The following FSD1L variants were observed in gnomAD, a reference collection of about 807,000 sequenced individuals.
FSD1L encodes the protein FSD1-like protein.
A neutral mutation model predicts 71.6 loss-of-function variants in FSD1L; 45 were observed. The observed-to-expected ratio is 0.63, with a 90% CI of 0.49 to 0.81. The LOEUF is 0.81. FSD1L is among the 30% of genes least tolerant of loss of function. The pLI is 0.00. For synonymous variants in FSD1L, 197 were observed against 207.2 expected (o/e 0.95, Z 0.42); for missense variants, 561 against 618.1 (o/e 0.91, Z 0.98).
chr9:105,530,331 CATAAAACTTATT>C (rs1835811674), intron 10 of FSD1L, among the ~76,000 whole-genome samples: 1 of 152,080 alleles, frequency 6.6e-6, no homozygotes, highest in East Asian at 1.9e-4. Context: ...TCATGCTTGA[CATAAAACTTATT>C]ATAAGTTGTT....
At chr9:105,490,429 C>T (rs185821101) in intron 7 of FSD1L, among the ~76,000 whole-genome samples, 4 of 152,168 alleles carry the variant, frequency 2.6e-5, no homozygotes, top group Non-Finnish European at 4.4e-5. Context: ...GAGTAGGTTG[C>T]GAATATTTTC....
At chr9:105,523,838 C>T in intron 10 of FSD1L, 2 of 1,597,120 alleles carry the variant, frequency 1.3e-6, no homozygotes, top group Non-Finnish European at 1.7e-6. Flanking sequence ...TCAAACACTG[C>T]TCACCTCAAT....
chr9:105,485,629 CAT>C (rs1395023306), intron 7 of FSD1L, among the ~76,000 whole-genome samples: 1 of 133,768 alleles, frequency 7.5e-6, no homozygotes, highest in Admixed American at 8.4e-5. Flanking sequence ...TTGAAAGTGA[CAT>C]GTTTTCCTTA....
chr9:105,446,801 G>T (rs1358665138), upstream of FSD1L, among the ~76,000 whole-genome samples: 1 of 149,016 alleles, frequency 6.7e-6, no homozygotes, highest in African/African-American at 2.5e-5. Context: ...TTTGTTTGTA[G>T]AACTGGTACA....
At chr9:105,457,022 A>G (rs1041916432) in intron 1 of FSD1L, among the ~76,000 whole-genome samples, 1 of 152,248 alleles carries the variant, frequency 6.6e-6, no homozygotes, top group Non-Finnish European at 1.5e-5. Flanking sequence ...GGTTGATAGA[A>G]TCCCATGGGG....
Position 105,548,585 on chromosome 9 carries a change from T to G in FSD1L, c.*2102T>G, listed in dbSNP as rs951617310. 1 of 152,450 alleles carries G rather than the reference T, an allele frequency of 6.6e-6. No individual in the cohort carries two copies. The highest frequency in any genetic ancestry group is 1.9e-4 in the East Asian group (1 of 5,194). The allele number at this position is 152,450 out of a possible 1,614,324, so 9.4% of individuals were successfully genotyped here. A position where few individuals can be genotyped will look rare whatever the true frequency, so the allele number is the denominator to read the frequency against. Reference sequence around the variant, plus strand: ...GCAGGGGCATGGGGAAATGCATATATTAATCAGGGGCTGGAGGAGTATACA... The same window carrying G: ...GCAGGGGCATGGGGAAATGCATATAGTAATCAGGGGCTGGAGGAGTATACA... On this transcript the variant is annotated 3_prime_UTR_variant, in exon 14 of 14. Transcript: ENST00000481272.
intron 10 of FSD1L, chr9:105,526,482 G>A (rs1314163264): frequency 8.7e-6 from 14 of 1,612,248 alleles, no homozygotes; most frequent in Admixed American, 3.3e-5. Context: ...AGCAAAAGCC[G>A]CATGTCCATG....
chr9:105,460,509 T>C (rs1830621190), intron 1 of FSD1L, among the ~76,000 whole-genome samples: 1 of 151,286 alleles, frequency 6.6e-6, no homozygotes. Context: ...GGAGAATTGC[T>C]TGAACCCAGG....
intron 10 of FSD1L, chr9:105,521,895 A>C: frequency 6.2e-7 from 1 of 1,612,410 alleles, no homozygotes; most frequent in African/African-American, 1.3e-5. Context: ...AAATGAAATA[A>C]AAAATCTTCT....
At position 105,524,721 on chromosome 9, in the gene FSD1L, G is replaced by A. The variant is rs956719452; in HGVS notation, c.1026-9772G>A. 1.9e-6 allele frequency: 3 copies of A among 1,613,814 alleles called. No individual in the cohort carries two copies. The South Asian group carries it at 3.3e-5, about 18-fold the overall frequency. ...AGAACGATCTTCTAAACTCCAGCCAGTAACAGAAGTGAAAACTCAAATGCA... is the reference window on the plus strand; with the variant it reads ...AGAACGATCTTCTAAACTCCAGCCAATAACAGAAGTGAAAACTCAAATGCA... On this transcript the variant is annotated intron_variant, in intron 10 of 13. Transcript: ENST00000481272.
At chr9:105,517,884 A>G (rs898668325) in intron 10 of FSD1L, among the ~76,000 whole-genome samples, 2 of 152,260 alleles carry the variant, frequency 1.3e-5, no homozygotes, top group African/African-American at 4.8e-5. Flanking sequence ...TAAAGAGTCA[A>G]GACCCATCAG....
intron 7 of FSD1L, 24 bp from the exon 8 acceptor site, chr9:105,506,375 C>CT (rs750489990): frequency 0.051 from 52,699 of 1,040,054 alleles, no homozygotes; most frequent in Non-Finnish European, 0.056. Context: ...ATGAATGAGT[C>CT]TTTTTTTTTT....
At chr9:105,534,683 A>G (rs1469628800) in intron 11 of FSD1L, 90 bp downstream of exon 11, 5 of 730,498 alleles carry the variant, frequency 6.8e-6, no homozygotes, top group Non-Finnish European at 1.1e-5. Context: ...GACTGCCTGT[A>G]TATTGAATAA....
Position 105,483,485 on chromosome 9 carries a change from T to G in FSD1L, c.465-896T>G, listed in dbSNP as rs555274796. Among the ~76,000 whole-genome samples the G allele has an allele frequency of 5.3e-5, 8 of 152,318 alleles. 1 individual carries two copies. The South Asian group carries it at 1.2e-3, about 24-fold the overall frequency. ...GGACAGTGTTCACCTGTAGTACTTC[T>G]GATCATTCTTGAACCAAAGATAGTA... On this transcript the variant is annotated intron_variant, in intron 6 of 13. Transcript: ENST00000481272.
In FSD1L at chr9:105,530,664, C is replaced by G. The variant is rs189646072; in HGVS notation, c.1026-3829C>G. The G allele has an allele frequency of 1.9e-4, 122 of 633,726 alleles. 1 individual carries two copies. The highest frequency in any genetic ancestry group is 1.7e-3 in the Middle Eastern group (7 of 4,070). 39.3% of individuals were successfully genotyped at this position (633,726 alleles called of 1,614,324 possible). A position where few individuals can be genotyped will look rare whatever the true frequency, so the allele number is the denominator to read the frequency against. On this transcript the variant is annotated intron_variant, in intron 10 of 13. Coordinates refer to ENST00000481272, the MANE Select transcript of FSD1L (RefSeq NM_001145313.3). The stretch of plus-strand genomic sequence containing the variant: ...AAATATTTTTCAGAATGCATGTTTC[C>G]TCTCAGCAGACACTCTGACCACCAG...
chr9:105,452,208 C>G (rs1053251380), intron 1 of FSD1L, among the ~76,000 whole-genome samples: 2 of 152,176 alleles, frequency 1.3e-5, no homozygotes, highest in Admixed American at 1.3e-4. Context: ...CATATTGTAC[C>G]TTACTAGTTC....
intron 13 of FSD1L, among the ~76,000 whole-genome samples, chr9:105,543,296 T>A (rs76720382): frequency 1.3e-5 from 2 of 152,174 alleles, no homozygotes; most frequent in Non-Finnish European, 2.9e-5. Context: ...ACTATTAATA[T>A]ATACGGTAGT....
intron 7 of FSD1L, among the ~76,000 whole-genome samples, chr9:105,498,223 A>ATTATTATTGTTG (rs770554725): frequency 2.5e-4 from 37 of 147,196 alleles, no homozygotes; most frequent in Middle Eastern, 3.6e-3. Flanking sequence ...TATTATTATT[A>ATTATTATTGTTG]TTGTTTTTAG....
At chr9:105,492,233 G>A (rs1480875470) in intron 7 of FSD1L, among the ~76,000 whole-genome samples, 1 of 152,118 alleles carries the variant, frequency 6.6e-6, no homozygotes, top group Non-Finnish European at 1.5e-5. Flanking sequence ...TTGGGAGGGT[G>A]TATGTGTCGA....
Sources: allele counts gnomAD v4.1 joint callset (sites outside exome capture counted in the v4.1 genomes callset), GRCh38; gene constraint gnomAD v4.1.1; transcripts MANE v1.5; gene names NCBI Gene and HGNC (gene_info 2026-07-23, HGNC 2026-07-21).